Variants in PCDHGA5 observed in about 807,000 individuals in gnomAD.
PCDHGA5 encodes the protein protocadherin gamma subfamily A, 5, also known as protocadherin gamma-A5.
A neutral mutation model predicts 56.7 loss-of-function variants in PCDHGA5; 36 were observed. The observed-to-expected ratio is 0.64, with a 90% CI of 0.49 to 0.84. PCDHGA5 has a LOEUF of 0.84. Ranked by LOEUF, PCDHGA5 falls within the 40% of genes least tolerant of loss-of-function variation. The probability of loss-of-function intolerance (pLI) is 0.00; values close to 1 mark genes in which losing one functional copy is unlikely to be tolerated. For synonymous variants in PCDHGA5, 563 were observed against 520.2 expected (o/e 1.08, Z -1.12); for missense variants, 1,305 against 1,201.5 (o/e 1.09, Z -1.27).
chr5:141,371,177 A>G lies in PCDHGA5; in HGVS notation c.2421+4426A>G, dbSNP rs757223785. 48 of 1,613,920 alleles carry G rather than the reference A, an allele frequency of 3.0e-5. No homozygotes were observed. In the South Asian group the frequency reaches 4.9e-4, roughly 17 times the overall value. ...AGAACCTGCCCGCTGGCTCCTCCGT[A>G]TTAAAAGTGATGGCCATTGACATGG... On this transcript the variant is annotated intron_variant, in intron 1 of 3. Coordinates refer to ENST00000518069, the MANE Select transcript of PCDHGA5 (RefSeq NM_018918.3).
chr5:141,385,518 A>G, intron 1 of PCDHGA5: 20 of 1,366,294 alleles, frequency 1.5e-5, no homozygotes, highest in East Asian at 5.4e-5. Context: ...GTGAAAGCCT[A>G]TGGACAAGAT....
chr5:141,457,498 G>A (rs193168963), intron 1 of PCDHGA5, among the ~76,000 whole-genome samples: 23 of 152,246 alleles, frequency 1.5e-4, no homozygotes, highest in African/African-American at 4.3e-4. Flanking sequence ...TAAAATGTAG[G>A]CAAAAAGCTT....
chr5:141,490,956 A>T lies in PCDHGA5; in HGVS notation c.2422-3851A>T. 1.2e-6 allele frequency: 2 copies of T among 1,613,828 alleles called. No homozygotes were observed. The highest frequency in any genetic ancestry group is 1.7e-6 in the Non-Finnish European group (2 of 1,179,852). ...TGCTGCACCCACGGCCAGACTGGGA[A>T]CACTCAGCCCCCCAGCGTCTCCCTC... On this transcript the variant is annotated intron_variant, in intron 1 of 3. Transcript: ENST00000518069. The surrounding 1 kb of genome is among the most constrained non-coding windows in gnomAD (Gnocchi z 5.4).
intron 1 of PCDHGA5, chr5:141,371,027 C>T (rs1393819856): frequency 6.2e-7 from 1 of 1,613,874 alleles, no homozygotes; most frequent in African/African-American, 1.3e-5. Context: ...ACCACCTGGT[C>T]CTCACAGCTG....
At chr5:141,461,312 C>T (rs1318872213) in intron 1 of PCDHGA5, among the ~76,000 whole-genome samples, 1 of 152,064 alleles carries the variant, frequency 6.6e-6, no homozygotes, top group African/African-American at 2.4e-5. Flanking sequence ...TGTTTTTTGA[C>T]TTTTTAATAA....
chr5:141,383,196 T>G, intron 1 of PCDHGA5: 3 of 1,613,866 alleles, frequency 1.9e-6, no homozygotes, highest in Non-Finnish European at 2.5e-6. Flanking sequence ...GCGCTCAGAG[T>G]GCGCGGTGTC....
chr5:141,421,297 C>T (rs143092131), intron 1 of PCDHGA5: 106 of 1,613,512 alleles, frequency 6.6e-5, no homozygotes, highest in Non-Finnish European at 8.5e-5. Flanking sequence ...CCTGGGGACG[C>T]TGCGGGGGTT....
intron 1 of PCDHGA5, chr5:141,479,691 C>T (rs2099503603): frequency 6.6e-6 from 1 of 152,206 alleles, no homozygotes; most frequent in Non-Finnish European, 1.5e-5. Context: ...TTTGGTGCCT[C>T]CAGTGTTAGT....
At chr5:141,374,716 C>A (rs752741869) in intron 1 of PCDHGA5, 3 of 1,609,798 alleles carry the variant, frequency 1.9e-6, no homozygotes, top group African/African-American at 1.3e-5. Context: ...ACCGCCTGGT[C>A]CTTACTGCCA....
At chr5:141,455,558 G>A (rs1261373189) in intron 1 of PCDHGA5, among the ~76,000 whole-genome samples, 1 of 152,142 alleles carries the variant, frequency 6.6e-6, no homozygotes, top group East Asian at 1.9e-4. Flanking sequence ...CCGAGAAAAA[G>A]CTGGCCCTCC....
chr5:141,445,188 G>A (rs1267342449), intron 1 of PCDHGA5, among the ~76,000 whole-genome samples: 5 of 152,198 alleles, frequency 3.3e-5, no homozygotes, highest in South Asian at 2.1e-4. Flanking sequence ...ATGTTTTTAT[G>A]TATTCTATAT....
intron 1 of PCDHGA5, chr5:141,403,279 G>C (rs779882720): frequency 6.2e-7 from 1 of 1,613,900 alleles, no homozygotes. Flanking sequence ...TTAAAGTCCT[G>C]GTTGAAGACA....
intron 1 of PCDHGA5, chr5:141,400,023 C>T (rs755667675): frequency 1.1e-5 from 18 of 1,612,872 alleles, no homozygotes; most frequent in Non-Finnish European, 1.3e-5. Context: ...GCGACAGGGA[C>T]GCGGCCCGCC....
At chr5:141,383,054 T>G in intron 1 of PCDHGA5, 3 of 1,613,872 alleles carry the variant, frequency 1.9e-6, no homozygotes, top group Non-Finnish European at 2.5e-6. Context: ...GCCAAGGACC[T>G]GGGGCTGGAG....
chr5:141,503,556 G>A (rs1021346255), intron 2 of PCDHGA5, among the ~76,000 whole-genome samples: 1 of 145,962 alleles, frequency 6.9e-6, no homozygotes, highest in East Asian at 2.0e-4. Context: ...CCGAGATCGC[G>A]CCACTGTACT....
chr5:141,382,904 C>G, intron 1 of PCDHGA5: 1 of 1,543,132 alleles, frequency 6.5e-7, no homozygotes, highest in Non-Finnish European at 8.7e-7. Context: ...ACGACTATGG[C>G]GGCTCAGCCG....
rs770814147 is a variant in PCDHGA5 at position 141,366,464 on chromosome 5, C to T, written c.2134C>T (p.Leu712=). 1 of 1,614,226 alleles carries T rather than the reference C, an allele frequency of 6.2e-7. No individual in the cohort carries two copies. Among genetic ancestry groups the T allele is most frequent in the Non-Finnish European group, 8.5e-7 (1 of 1,180,052 alleles). Residue 712 remains leucine (L), a synonymous_variant, in exon 1 of 4, where the codon CTG becomes TTG. Transcript: ENST00000518069. ...CVFLAFVIVL[L]VLRLRRWHKS... is the part of the protein sequence containing the mutation. The stretch of plus-strand genomic sequence containing the variant: ...CTTCCTGGCCTTCGTCATCGTGCTG[C>T]TGGTGCTCAGACTGAGGCGCTGGCA...
intron 1 of PCDHGA5, among the ~76,000 whole-genome samples, chr5:141,470,011 C>T (rs2099218489): frequency 6.6e-6 from 1 of 152,144 alleles, no homozygotes; most frequent in Non-Finnish European, 1.5e-5. Context: ...CGCCTGTAAT[C>T]CCAGCTACTC....
rs767521224 is a variant in PCDHGA5 at position 141,431,148 on chromosome 5, C to T, written c.2422-63659C>T. 3.7e-6 allele frequency: 6 copies of T among 1,614,146 alleles called. No homozygotes were observed. Among genetic ancestry groups the T allele is most frequent in the Admixed American group, 1.7e-5 (1 of 60,030 alleles). On this transcript the variant is annotated intron_variant, in intron 1 of 3. Coordinates refer to ENST00000518069, the MANE Select transcript of PCDHGA5 (RefSeq NM_018918.3). The surrounding 1 kb of genome is among the most constrained non-coding windows in gnomAD (Gnocchi z 4.8). Reference sequence around the variant, plus strand: ...GAAGTAAGGGACATTAACGACAATGCGCCTTACTTTCGTGAAAGTGAATTA... The same window carrying T: ...GAAGTAAGGGACATTAACGACAATGTGCCTTACTTTCGTGAAAGTGAATTA...
Sources: gnomAD v4.1 joint callset for allele counts (sites outside exome capture counted in the v4.1 genomes callset) on GRCh38, gnomAD v4.1.1 for gene constraint, Gnocchi (gnomAD v3.1) non-coding constraint, MANE v1.5 for transcripts, NCBI Gene and HGNC (gene_info 2026-07-23, HGNC 2026-07-21) for gene names.